Variants in FLVCR2 observed in about 807,000 individuals in gnomAD.
FLVCR2 encodes choline/ethanolamine transporter FLVCR2.
A neutral mutation model predicts 48.9 loss-of-function variants in FLVCR2; 38 were observed. That is an observed-to-expected ratio of 0.78 (90% CI 0.60 to 1.02). The LOEUF (loss-of-function observed/expected upper bound fraction) is 1.02, where lower values mean the gene tolerates loss of function less well. Among genes scored for constraint, FLVCR2 ranks in the 50% least tolerant of loss-of-function variants. FLVCR2 has a pLI of 0.00. For missense variants in FLVCR2, 664 were observed against 663.3 expected (o/e 1.00, Z -0.01); for synonymous variants, 255 against 257.0 (o/e 0.99, Z 0.07).
chr14:75,625,846 T>C (rs907333519), intron 3 of FLVCR2, among the ~76,000 whole-genome samples: 5 of 152,000 alleles, frequency 3.3e-5, no homozygotes, highest in Non-Finnish European at 5.9e-5. Context: ...ACCTATGTGA[T>C]GTTGGTACTA....
At chr14:75,603,406 G>A (rs1889212581) in intron 1 of FLVCR2, among the ~76,000 whole-genome samples, 1 of 152,216 alleles carries the variant, frequency 6.6e-6, no homozygotes, top group Admixed American at 6.5e-5. Context: ...GGACTTCAGA[G>A]AAGAGTCAGC....
intron 1 of FLVCR2, among the ~76,000 whole-genome samples, chr14:75,588,528 G>T (rs1433067435): frequency 6.6e-6 from 1 of 152,120 alleles, no homozygotes; most frequent in Non-Finnish European, 1.5e-5. Flanking sequence ...AGCCACCCAG[G>T]CTGGAGTTCA....
chr14:75,605,440 A>G, intron 1 of FLVCR2: 24 of 1,474,526 alleles, frequency 1.6e-5, no homozygotes, highest in Non-Finnish European at 2.0e-5. Flanking sequence ...GCACCCTGTA[A>G]GCTCTGGTGG....
In FLVCR2 at chr14:75,579,285, T is replaced by G; in HGVS notation, c.313T>G (p.Tyr105Asp). ...GTGCAACTCCTTTCAGTGGATCCAGTACGGCTCCATCAATAACATCTTCAT... is the reference window on the plus strand; with the variant it reads ...GTGCAACTCCTTTCAGTGGATCCAGGACGGCTCCATCAATAACATCTTCAT... ...SMCNSFQWIQ[Y>D]GSINNIFMHF... The change falls in exon 1 of 10, where the codon TAC (tyrosine) becomes GAC (aspartate). Residue 105 changes from tyrosine to aspartate, a missense_variant. Physicochemically the swap from Tyr to Asp is radical, Grantham distance 160 (BLOSUM62 -3). Transcript: ENST00000238667. 6.2e-7 allele frequency: 1 copy of G among 1,614,200 alleles called. No individual in the cohort carries two copies. Among genetic ancestry groups the G allele is most frequent in the Non-Finnish European group, 8.5e-7 (1 of 1,180,004 alleles).
At chr14:75,638,432 C>T (rs1890222027) in intron 5 of FLVCR2, among the ~76,000 whole-genome samples, 1 of 151,944 alleles carries the variant, frequency 6.6e-6, no homozygotes, top group Non-Finnish European at 1.5e-5. Flanking sequence ...AGCGAAACTC[C>T]ATCTCAAAAA....
intron 9 of FLVCR2, among the ~76,000 whole-genome samples, chr14:75,642,985 C>T (rs1890337039): frequency 6.6e-6 from 1 of 152,136 alleles, no homozygotes; most frequent in Admixed American, 6.5e-5. Context: ...CCGCAGTCTC[C>T]CAAGTAGCTG....
At chr14:75,637,132 G>T (rs998582972) in intron 5 of FLVCR2, among the ~76,000 whole-genome samples, 3 of 152,232 alleles carry the variant, frequency 2.0e-5, no homozygotes, top group African/African-American at 4.8e-5. Context: ...AGTAGCAGAA[G>T]GGACACAGGT....
intron 1 of FLVCR2, among the ~76,000 whole-genome samples, chr14:75,603,402 C>A (rs1286913822): frequency 2.0e-5 from 3 of 152,198 alleles, no homozygotes; most frequent in African/African-American, 7.2e-5. Context: ...AGCGGGACTT[C>A]AGAGAAGAGT....
chr14:75,604,316 G>A (rs1023101665), intron 1 of FLVCR2: 2 of 152,220 alleles, frequency 1.3e-5, no homozygotes, highest in Admixed American at 6.5e-5. Flanking sequence ...AACTTTCATA[G>A]GTTTGGGCTT....
chr14:75,594,887 T>A (rs1888979405), intron 1 of FLVCR2, among the ~76,000 whole-genome samples: 1 of 151,996 alleles, frequency 6.6e-6, no homozygotes, highest in African/African-American at 2.4e-5. Flanking sequence ...CCTGGCTAAT[T>A]TTTTATTTTT....
intron 1 of FLVCR2, chr14:75,604,089 T>G (rs1412109429): frequency 6.6e-6 from 1 of 152,254 alleles, no homozygotes; most frequent in Non-Finnish European, 1.5e-5. Flanking sequence ...TGTGACTTGT[T>G]CTTATTCCTT....
At chr14:75,636,935 C>T (rs1890179204) in intron 5 of FLVCR2, among the ~76,000 whole-genome samples, 1 of 152,152 alleles carries the variant, frequency 6.6e-6, no homozygotes. Flanking sequence ...GCAAGACTGG[C>T]GTCCATGACG....
chr14:75,632,150 A>G (rs1328920070), intron 3 of FLVCR2, among the ~76,000 whole-genome samples: 1 of 152,228 alleles, frequency 6.6e-6, no homozygotes, highest in Non-Finnish European at 1.5e-5. Context: ...CAGAGTGATT[A>G]AGATCAAGAA....
intron 1 of FLVCR2, among the ~76,000 whole-genome samples, chr14:75,587,803 A>T (rs1888787059): frequency 6.6e-6 from 1 of 152,252 alleles, no homozygotes; most frequent in Non-Finnish European, 1.5e-5. Flanking sequence ...AGATCTAAAA[A>T]AGATATTCGA....
chr14:75,581,400 C>T (rs756698963), intron 1 of FLVCR2, among the ~76,000 whole-genome samples: 3 of 152,090 alleles, frequency 2.0e-5, no homozygotes, highest in Non-Finnish European at 4.4e-5. Flanking sequence ...TGAAGCTGAG[C>T]TTGGTGAGGT....
chr14:75,628,473 G>A (rs900792791), intron 3 of FLVCR2, among the ~76,000 whole-genome samples: 7 of 152,186 alleles, frequency 4.6e-5, no homozygotes, highest in African/African-American at 1.7e-4. Context: ...TGCAGTTTCA[G>A]ATTGGACTTT....
intron 1 of FLVCR2, among the ~76,000 whole-genome samples, chr14:75,584,075 G>C (rs1445682253): frequency 6.6e-6 from 1 of 152,100 alleles, no homozygotes; most frequent in African/African-American, 2.4e-5. Flanking sequence ...CAGATGGCAC[G>C]GCTTAGGAGG....
intron 1 of FLVCR2, among the ~76,000 whole-genome samples, chr14:75,620,809 A>T (rs6574249): frequency 0.66 from 100,452 of 152,110 alleles, 34,678 homozygotes; most frequent in Non-Finnish European, 0.76. Flanking sequence ...AATTGACAGA[A>T]GGAAAAACGA....
chr14:75,631,825 A>G (rs773066861), intron 3 of FLVCR2: 11 of 455,992 alleles, frequency 2.4e-5, no homozygotes, highest in South Asian at 1.7e-4. Flanking sequence ...TAAGTGGCTG[A>G]GTATGTACTA....
Sources: allele counts gnomAD v4.1 joint callset (sites outside exome capture counted in the v4.1 genomes callset), GRCh38; gene constraint gnomAD v4.1.1; transcripts MANE v1.5; gene names NCBI Gene and HGNC (gene_info 2026-07-23, HGNC 2026-07-21).